Variants in HMGCLL1 observed in about 807,000 individuals in gnomAD.
HMGCLL1 encodes the protein 3-hydroxymethyl-3-methylglutaryl-CoA lyase, cytoplasmic.
A neutral mutation model predicts 39.1 loss-of-function variants in HMGCLL1; 36 were observed. The observed-to-expected ratio is 0.92, with a 90% CI of 0.71 to 1.22. The LOEUF is 1.22. HMGCLL1 is among the 50% of genes most tolerant of loss of function. The probability of loss-of-function intolerance (pLI) is 0.00; values close to 1 mark genes in which losing one functional copy is unlikely to be tolerated. For synonymous variants in HMGCLL1, 149 were observed against 144.0 expected (o/e 1.03, Z -0.25); for missense variants, 451 against 416.5 (o/e 1.08, Z -0.72).
the HMGCLL1 span, among the ~76,000 whole-genome samples, chr6:55,600,036 T>G: frequency 6.6e-6 from 1 of 152,240 alleles, no homozygotes; most frequent in African/African-American, 2.4e-5. Flanking sequence ...ACTTCAGTGT[T>G]TCTTCTGTTT....
chr6:55,520,246 T>TA (rs1554150111), intron 3 of HMGCLL1, among the ~76,000 whole-genome samples: 6 of 143,916 alleles, frequency 4.2e-5, no homozygotes, highest in Admixed American at 3.5e-4. Context: ...TAAAGTATAA[T>TA]AATAAATAAA....
the HMGCLL1 span, among the ~76,000 whole-genome samples, chr6:55,665,722 A>G: frequency 6.6e-6 from 1 of 151,748 alleles, no homozygotes; most frequent in East Asian, 1.9e-4. Flanking sequence ...AATCTCTGCT[A>G]TGGTACAAAA....
chr6:55,517,330 T>C (rs1448321694), intron 3 of HMGCLL1, among the ~76,000 whole-genome samples: 1 of 152,118 alleles, frequency 6.6e-6, no homozygotes, highest in Non-Finnish European at 1.5e-5. Context: ...AAACAATAAC[T>C]ATTAATCAGA....
the HMGCLL1 span, among the ~76,000 whole-genome samples, chr6:55,635,023 G>T: frequency 6.6e-6 from 1 of 151,972 alleles, no homozygotes; most frequent in Non-Finnish European, 1.5e-5. Flanking sequence ...AAGGACAGTT[G>T]GATGTGCCTA....
intron 4 of HMGCLL1, among the ~76,000 whole-genome samples, chr6:55,514,520 A>T (rs1767634868): frequency 6.6e-6 from 1 of 152,204 alleles, no homozygotes; most frequent in South Asian, 2.1e-4. Flanking sequence ...GGAAAATACT[A>T]GCACCCCAAT....
intron 7 of HMGCLL1, among the ~76,000 whole-genome samples, chr6:55,446,463 T>C (rs1281337512): frequency 1.3e-5 from 2 of 151,880 alleles, no homozygotes; most frequent in Admixed American, 6.6e-5. Flanking sequence ...AATTCAGTTA[T>C]GTGTGCTCCG....
At chr6:55,458,332 A>G (rs1764414254) in intron 7 of HMGCLL1, among the ~76,000 whole-genome samples, 1 of 152,206 alleles carries the variant, frequency 6.6e-6, no homozygotes, top group Admixed American at 6.5e-5. Flanking sequence ...AGTGGGGAAG[A>G]AAAACACTTC....
chr6:55,500,291 G>A (rs1248523932), intron 5 of HMGCLL1, among the ~76,000 whole-genome samples: 1 of 151,990 alleles, frequency 6.6e-6, no homozygotes, highest in African/African-American at 2.4e-5. Flanking sequence ...GTAGTGGCAA[G>A]ATCAGATTTG....
At chr6:55,672,161 T>G in the HMGCLL1 span, among the ~76,000 whole-genome samples, 1 of 151,672 alleles carries the variant, frequency 6.6e-6, no homozygotes. Context: ...CTGATCTTAA[T>G]TTTTTAATCT....
At chr6:55,461,849 C>T (rs974037687) in intron 7 of HMGCLL1, among the ~76,000 whole-genome samples, 4 of 152,098 alleles carry the variant, frequency 2.6e-5, no homozygotes, top group Non-Finnish European at 5.9e-5. Flanking sequence ...TGAAGAACTA[C>T]TCAATAGCAC....
intron 7 of HMGCLL1, among the ~76,000 whole-genome samples, chr6:55,469,858 C>G (rs1764970973): frequency 6.6e-6 from 1 of 151,850 alleles, no homozygotes. Context: ...CTGGAGGTTT[C>G]ATATTTATCA....
intron 7 of HMGCLL1, among the ~76,000 whole-genome samples, chr6:55,488,919 G>A (rs4599641): frequency 0.68 from 103,259 of 151,840 alleles, 35,118 homozygotes; most frequent in Non-Finnish European, 0.7. Flanking sequence ...CTGAATTTGG[G>A]CTATTGGAGT....
chr6:55,478,669 A>G (rs1765580966), intron 7 of HMGCLL1, among the ~76,000 whole-genome samples: 1 of 151,366 alleles, frequency 6.6e-6, no homozygotes, highest in African/African-American at 2.4e-5. Flanking sequence ...TTTTTCATAT[A>G]TATATATTTA....
intron 8 of HMGCLL1, among the ~76,000 whole-genome samples, chr6:55,437,620 G>A (rs1252304196): frequency 2.6e-5 from 4 of 151,960 alleles, no homozygotes; most frequent in Non-Finnish European, 5.9e-5. Flanking sequence ...CCCTGGAAAA[G>A]GTAATAATAG....
chr6:55,492,720 T>TTA (rs1223445380), intron 7 of HMGCLL1, among the ~76,000 whole-genome samples: 2 of 152,208 alleles, frequency 1.3e-5, no homozygotes, highest in Non-Finnish European at 2.9e-5. Context: ...CAAACCACTT[T>TTA]TACTCTCTTA....
At chr6:55,582,892 C>T (rs1439894523), upstream of HMGCLL1, among the ~76,000 whole-genome samples, 1 of 151,956 alleles carries the variant, frequency 6.6e-6, no homozygotes, top group Non-Finnish European at 1.5e-5. Context: ...TGTACACATA[C>T]ACACATATAA....
At chr6:55,552,679 T>C (rs4524597) in intron 1 of HMGCLL1, among the ~76,000 whole-genome samples, 100,748 of 151,538 alleles carry the variant, frequency 0.66, 33,994 homozygotes, top group Admixed American at 0.72. Flanking sequence ...GGACATTTAA[T>C]GTGTGTAGGA....
intron 1 of HMGCLL1, among the ~76,000 whole-genome samples, chr6:55,568,123 C>T (rs1771302490): frequency 6.6e-6 from 1 of 152,044 alleles, no homozygotes; most frequent in African/African-American, 2.4e-5. Flanking sequence ...TTGGGAACAA[C>T]ATTTACTAAT....
At position 55,516,594 on chromosome 6, in the gene HMGCLL1, G is replaced by A. The variant is rs776729992; in HGVS notation, c.307C>T (p.His103Tyr). The change falls in exon 4 of 9, where the codon CAC becomes TAC. Residue 103 changes from histidine (H) to tyrosine (Y), a missense_variant. Coordinates refer to ENST00000274901, the MANE Select transcript of HMGCLL1 (RefSeq NM_001042406.2). ...SSRWVPQMADHTEVMKGIHQY... is the reference protein window; with the variant it reads ...SSRWVPQMADYTEVMKGIHQY... ...TGAATGCCTTTCATTACTTCAGTGTGATCAGCCATCTTAAATACATAATAG... is the reference window on the plus strand; with the variant it reads ...TGAATGCCTTTCATTACTTCAGTGTAATCAGCCATCTTAAATACATAATAG... 2 of 1,589,422 alleles carry A rather than the reference G, an allele frequency of 1.3e-6. No individual in the cohort carries two copies. The highest frequency in any genetic ancestry group is 3.3e-5 in the Admixed American group (2 of 59,810).
Sources: allele counts gnomAD v4.1 joint callset (sites outside exome capture counted in the v4.1 genomes callset), GRCh38; gene constraint gnomAD v4.1.1; transcripts MANE v1.5; gene names NCBI Gene and HGNC (gene_info 2026-07-23, HGNC 2026-07-21).